CADPS2: variants seen among roughly 807,000 people sequenced by gnomAD.
The protein encoded by CADPS2 is calcium dependent secretion activator 2, also known as calcium-dependent secretion activator 2.
Under a neutral mutation model 172.5 loss-of-function variants are expected in CADPS2, and 93 were observed. The ratio of observed to expected loss-of-function variants is 0.54; its 90% CI spans 0.46 to 0.64. The LOEUF (loss-of-function observed/expected upper bound fraction) is 0.64. Ranked by LOEUF, CADPS2 falls within the 30% of genes least tolerant of loss-of-function variation. The pLI is 0.00. For missense variants in CADPS2, 1,420 were observed against 1,565.9 expected, an observed-to-expected ratio of 0.91 and a Z score of 1.57; for synonymous variants, 546 against 555.2, an observed-to-expected ratio of 0.98 and a Z score of 0.23.
chr7:122,860,781 C>T (rs1442972682), intron 1 of CADPS2, among the ~76,000 whole-genome samples: 2 of 152,094 alleles, frequency 1.3e-5, no homozygotes, highest in Non-Finnish European at 2.9e-5. Context: ...ATACTCTCTA[C>T]TTCTATGAGA....
intron 2 of CADPS2, among the ~76,000 whole-genome samples, chr7:122,666,466 C>A (rs1033631420): frequency 4.6e-5 from 7 of 152,070 alleles, no homozygotes; most frequent in African/African-American, 1.4e-4. Flanking sequence ...GCCTCAGCCT[C>A]CTGAGTAGCT....
At chr7:122,575,200 C>T (rs921283470) in intron 7 of CADPS2, among the ~76,000 whole-genome samples, 5 of 150,902 alleles carry the variant, frequency 3.3e-5, no homozygotes, top group African/African-American at 1.2e-4. Context: ...GTGGTGGGAG[C>T]ATCTAAAATA....
At chr7:122,549,308 T>C (rs2063958481) in intron 8 of CADPS2, among the ~76,000 whole-genome samples, 1 of 152,142 alleles carries the variant, frequency 6.6e-6, no homozygotes, top group South Asian at 2.1e-4. Flanking sequence ...CTACATGACA[T>C]TTATTTTGTA....
At chr7:122,754,526 G>A (rs1233646812) in intron 1 of CADPS2, among the ~76,000 whole-genome samples, 1 of 151,916 alleles carries the variant, frequency 6.6e-6, no homozygotes, top group Non-Finnish European at 1.5e-5. Context: ...ACCCAGACTG[G>A]GGTACAATAG....
chr7:122,824,360 T>C (rs1804265488), intron 1 of CADPS2, among the ~76,000 whole-genome samples: 1 of 152,196 alleles, frequency 6.6e-6, no homozygotes, highest in Non-Finnish European at 1.5e-5. Context: ...ACAACTCTCA[T>C]ATAGGCACTG....
intron 5 of CADPS2, 106 bp downstream of exon 5, chr7:122,621,375 T>C (rs1421228325): frequency 2.1e-5 from 16 of 744,636 alleles, no homozygotes; most frequent in South Asian, 1.7e-4. Flanking sequence ...ATCTCCAACA[T>C]ATATTACACT....
intron 6 of CADPS2, among the ~76,000 whole-genome samples, chr7:122,591,071 G>A (rs549512900): frequency 6.6e-5 from 10 of 151,954 alleles, no homozygotes; most frequent in Admixed American, 6.6e-5. Context: ...TGACATGATT[G>A]TATATTTAGA....
intron 1 of CADPS2, among the ~76,000 whole-genome samples, chr7:122,858,615 G>A (rs577711846): frequency 6.1e-4 from 93 of 152,216 alleles, no homozygotes; most frequent in African/African-American, 1.3e-3. Context: ...GTGTTTCATC[G>A]CTTGCTTTTA....
chr7:122,465,065 C>T (rs1158253776), intron 14 of CADPS2, among the ~76,000 whole-genome samples: 2 of 151,608 alleles, frequency 1.3e-5, no homozygotes, highest in Non-Finnish European at 2.9e-5. Flanking sequence ...TTCAACAAAG[C>T]CAAAAGTTGC....
intron 6 of CADPS2, among the ~76,000 whole-genome samples, chr7:122,601,560 A>T (rs1240929422): frequency 6.6e-6 from 1 of 152,062 alleles, no homozygotes; most frequent in Non-Finnish European, 1.5e-5. Context: ...CTGGGAACAA[A>T]ATAAATTAAA....
chr7:122,400,846 G>GT (rs2045862870), intron 20 of CADPS2, among the ~76,000 whole-genome samples: 3 of 152,292 alleles, frequency 2.0e-5, no homozygotes, highest in South Asian at 4.1e-4. Context: ...TAACACGCAG[G>GT]TGTCAGCCTT....
chr7:122,514,804 A>C lies in CADPS2; in HGVS notation c.1476-1489T>G, dbSNP rs562853463. Among the ~76,000 whole-genome samples, 18 of 152,302 alleles carry C rather than the reference A, an allele frequency of 1.2e-4. 1 individual carries two copies. The South Asian group carries it at 3.7e-3, about 32-fold the overall frequency. The stretch of plus-strand genomic sequence containing the variant: ...CAGAGAAATACCATGCTGCCAATGA[A>C]ATTATGTTTTTGATAAAATTAATAA... On this transcript the variant is annotated intron_variant, in intron 8 of 29. Transcript: ENST00000449022.
intron 28 of CADPS2, among the ~76,000 whole-genome samples, chr7:122,331,442 A>C (rs1380963217): frequency 6.6e-6 from 1 of 152,158 alleles, no homozygotes; most frequent in Non-Finnish European, 1.5e-5. Flanking sequence ...GTTGGAGACC[A>C]GCCTGGCCAA....
intron 15 of CADPS2, among the ~76,000 whole-genome samples, chr7:122,443,649 CTT>C (rs756070436): frequency 1.0e-4 from 5 of 49,740 alleles, no homozygotes; most frequent in Non-Finnish European, 7.8e-5. Flanking sequence ...CTTCTTTTAT[CTT>C]TTTTTTTTTT....
chr7:122,337,971 TA>T (rs2036147000), intron 28 of CADPS2, among the ~76,000 whole-genome samples: 1 of 152,190 alleles, frequency 6.6e-6, no homozygotes, highest in South Asian at 2.1e-4. Flanking sequence ...AGCAGCTAAG[TA>T]ACAGATTGCT....
intron 1 of CADPS2, among the ~76,000 whole-genome samples, chr7:122,820,542 GTTTTTTGTTTTTTGT>G (rs1453989624): frequency 8.5e-6 from 1 of 117,792 alleles, no homozygotes; most frequent in African/African-American, 3.6e-5. Context: ...TGACCTTACT[GTTTTTTGTTTTTTGT>G]TTTTTTTTTT....
intron 7 of CADPS2, among the ~76,000 whole-genome samples, chr7:122,563,828 C>T (rs968505952): frequency 2.0e-5 from 3 of 152,082 alleles, no homozygotes; most frequent in Admixed American, 6.5e-5. Flanking sequence ...TCATGGACTA[C>T]TGATAGATGT....
intron 2 of CADPS2, among the ~76,000 whole-genome samples, chr7:122,668,432 A>C (rs986763236): frequency 1.3e-5 from 2 of 151,904 alleles, no homozygotes; most frequent in African/African-American, 4.8e-5. Context: ...AAACAAACTG[A>C]AAGAGTCAAG....
intron 2 of CADPS2, chr7:122,702,878 T>A (rs2086395079): frequency 4.6e-6 from 3 of 657,568 alleles, no homozygotes; most frequent in East Asian, 2.7e-5. Flanking sequence ...TCTCCCTGGA[T>A]CAAAGCTATC....
Sources: allele counts gnomAD v4.1 joint callset (sites outside exome capture counted in the v4.1 genomes callset), GRCh38; gene constraint gnomAD v4.1.1; transcripts MANE v1.5; gene names NCBI Gene and HGNC (gene_info 2026-07-23, HGNC 2026-07-21).